Variants in EVI5 observed in about 807,000 individuals in gnomAD.
EVI5 encodes ecotropic viral integration site 5 protein homolog.
In EVI5, 73 loss-of-function variants were observed where a neutral mutation model predicts 112.0. That is an observed-to-expected ratio of 0.65 (90% CI 0.54 to 0.79). The LOEUF is 0.79. EVI5 is among the 30% of genes least tolerant of loss of function. EVI5 has a pLI of 0.00. For synonymous variants in EVI5, 305 were observed against 319.9 expected (o/e 0.95, Z 0.50); for missense variants, 900 against 968.8 (o/e 0.93, Z 0.94).
At chr1:92,517,346 T>G (rs1350441352) in intron 19 of EVI5, among the ~76,000 whole-genome samples, 1 of 152,194 alleles carries the variant, frequency 6.6e-6, no homozygotes, top group Non-Finnish European at 1.5e-5. Flanking sequence ...CTACATCATT[T>G]TATATACAGA....
upstream of EVI5, among the ~76,000 whole-genome samples, chr1:92,786,687 G>A (rs1685663847): frequency 6.6e-6 from 1 of 152,134 alleles, no homozygotes; most frequent in Non-Finnish European, 1.5e-5. Flanking sequence ...CAGGCAGAGT[G>A]ACTTTTTCAA....
At position 92,618,650 on chromosome 1, in the gene EVI5, C is replaced by T. The variant is rs563290838; in HGVS notation, c.1827+5526G>A. 1.2e-4 allele frequency among the ~76,000 whole-genome samples: 18 copies of T among 152,258 alleles called. No individual in the cohort carries two copies. In the South Asian group the frequency reaches 3.7e-3, roughly 32 times the overall value. On this transcript the variant is annotated intron_variant, in intron 16 of 19. Coordinates refer to ENST00000684568, the MANE Select transcript of EVI5 (RefSeq NM_001350197.2). ...CCCTCAGGAATGAAGGTTTGGGTCA[C>T]TCCACCAGGAAAAAAAACATGACCT... is the stretch of plus-strand genomic sequence containing the variant.
At chr1:92,516,856 A>G (rs1659971749) in intron 19 of EVI5, among the ~76,000 whole-genome samples, 2 of 148,638 alleles carry the variant, frequency 1.3e-5, no homozygotes, top group South Asian at 4.3e-4. Context: ...CAGGCAGACA[A>G]TCAACCTTTC....
chr1:92,669,769 G>A (rs780478079), intron 10 of EVI5, among the ~76,000 whole-genome samples: 14 of 151,872 alleles, frequency 9.2e-5, no homozygotes, highest in Non-Finnish European at 1.5e-4. Flanking sequence ...ACGATACATA[G>A]AAAGGTTAAT....
At chr1:92,782,963 G>A (rs1685059268) in intron 1 of EVI5, among the ~76,000 whole-genome samples, 1 of 152,078 alleles carries the variant, frequency 6.6e-6, no homozygotes, top group African/African-American at 2.4e-5. Flanking sequence ...CGGACTACCA[G>A]CGCACACAAC....
intron 19 of EVI5, among the ~76,000 whole-genome samples, chr1:92,547,472 A>G (rs1196828030): frequency 6.6e-6 from 1 of 152,222 alleles, no homozygotes; most frequent in Non-Finnish European, 1.5e-5. Context: ...TTCAAAAGCT[A>G]GCAGAAGGCG....
Position 92,511,106 on chromosome 1 carries a change from A to G in EVI5, c.*2550T>C, listed in dbSNP as rs1282309543. On this transcript the variant is annotated 3_prime_UTR_variant, in exon 20 of 20. Transcript: ENST00000684568. ...GATACTCATCTATCTATCTGTATAT[A>G]TATTCAGGAAACATTTAAATCAAAT... 1 of 152,190 alleles carries G rather than the reference A, an allele frequency of 6.6e-6. No homozygotes were observed. Among genetic ancestry groups the G allele is most frequent in the Admixed American group, 6.5e-5 (1 of 15,282 alleles). The allele number at this position is 152,190 out of a possible 1,614,324, so 9.4% of individuals were successfully genotyped here. A position where few individuals can be genotyped will look rare whatever the true frequency, so the allele number is the denominator to read the frequency against.
chr1:92,605,428 A>C, intron 17 of EVI5, 26 bp from the exon 18 acceptor site: 1 of 1,451,602 alleles, frequency 6.9e-7, no homozygotes, highest in Non-Finnish European at 9.6e-7. Flanking sequence ...AAACCGAAAC[A>C]AAATAAACCA....
chr1:92,528,303 C>T (rs1222439295), intron 19 of EVI5, among the ~76,000 whole-genome samples: 1 of 152,206 alleles, frequency 6.6e-6, no homozygotes, highest in Non-Finnish European at 1.5e-5. Flanking sequence ...AGTTGAATGT[C>T]TACACACTTT....
At position 92,568,874 on chromosome 1, in the gene EVI5, C is replaced by T. The variant is rs77195448; in HGVS notation, c.2071-5137G>A. 1.1e-3 allele frequency among the ~76,000 whole-genome samples: 168 copies of T among 152,216 alleles called. 2 individuals carry two copies. The highest frequency in any genetic ancestry group is 7.5e-3 in the East Asian group (39 of 5,190). ...TACAGTCTATGATGCATGTAACATA[C>T]GAAATGTGTTCATCAACTGTTTATG... On this transcript the variant is annotated intron_variant, in intron 18 of 19. Transcript: ENST00000684568.
At chr1:92,680,801 C>T (rs1447405072) in intron 9 of EVI5, among the ~76,000 whole-genome samples, 2 of 152,062 alleles carry the variant, frequency 1.3e-5, no homozygotes, top group Non-Finnish European at 2.9e-5. Flanking sequence ...AAATGCACAA[C>T]CTGAATCTAA....
At chr1:92,556,360 T>C (rs544178016) in intron 19 of EVI5, among the ~76,000 whole-genome samples, 6 of 151,920 alleles carry the variant, frequency 3.9e-5, no homozygotes, top group Admixed American at 6.6e-5. Context: ...CTGCTTTAAA[T>C]AGAAAAATAC....
chr1:92,647,695 G>A, intron 13 of EVI5: 1 of 284,148 alleles, frequency 3.5e-6, no homozygotes, highest in Admixed American at 3.7e-5. Context: ...GGAAGGTGAA[G>A]GGGGCAGGAA....
intron 13 of EVI5, among the ~76,000 whole-genome samples, chr1:92,638,774 T>C (rs1659383340): frequency 6.6e-6 from 1 of 152,132 alleles, no homozygotes; most frequent in South Asian, 2.1e-4. Context: ...TGCTATTAAT[T>C]GACAGTTTGT....
intron 13 of EVI5, among the ~76,000 whole-genome samples, chr1:92,646,239 C>T (rs921942471): frequency 6.6e-6 from 1 of 151,774 alleles, no homozygotes; most frequent in Non-Finnish European, 1.5e-5. Flanking sequence ...TCTAAACATA[C>T]AAAAAAAACC....
At chr1:92,594,226 T>C (rs1449053651) in intron 18 of EVI5, among the ~76,000 whole-genome samples, 5 of 152,066 alleles carry the variant, frequency 3.3e-5, no homozygotes, top group East Asian at 1.9e-4. Context: ...AGATATAGAT[T>C]AATGGAACAG....
At chr1:92,624,467 A>G (rs1404391960) in intron 15 of EVI5, 133 bp from the exon 16 acceptor site, 7 of 703,130 alleles carry the variant, frequency 1.0e-5, no homozygotes, top group Non-Finnish European at 1.7e-5. Context: ...TCCCTAGAAA[A>G]TCCTATTAAT....
intron 1 of EVI5, among the ~76,000 whole-genome samples, chr1:92,745,376 G>A (rs1295286172): frequency 6.6e-6 from 1 of 151,942 alleles, no homozygotes; most frequent in Non-Finnish European, 1.5e-5. Flanking sequence ...ATTAAATATT[G>A]TGACATTCAT....
chr1:92,606,991 T>C (rs961479079), intron 17 of EVI5, among the ~76,000 whole-genome samples: 15 of 151,838 alleles, frequency 9.9e-5, no homozygotes, highest in African/African-American at 3.6e-4. Context: ...CACTGCTATA[T>C]TGTAAATTTA....
Sources: allele counts gnomAD v4.1 joint callset (sites outside exome capture counted in the v4.1 genomes callset), GRCh38; gene constraint gnomAD v4.1.1; transcripts MANE v1.5; gene names NCBI Gene and HGNC (gene_info 2026-07-23, HGNC 2026-07-21).